KCNK9: variants seen among roughly 807,000 people sequenced by gnomAD.
The protein encoded by KCNK9 is potassium channel subfamily K member 9.
In KCNK9, 1 loss-of-function variant was observed where a neutral mutation model predicts 10.8. That is an observed-to-expected ratio of 0.09 (90% CI 0.03 to 0.44). The LOEUF is 0.44. Ranked by LOEUF, KCNK9 falls within the 20% of genes least tolerant of loss-of-function variation. The probability of loss-of-function intolerance (pLI) is 0.97; values close to 1 mark genes in which losing one functional copy is unlikely to be tolerated. For synonymous variants in KCNK9, 231 were observed against 222.7 expected (o/e 1.04, Z -0.33); for missense variants, 303 against 515.0 (o/e 0.59, Z 3.98).
At chr8:139,686,814 C>T (rs1398989284) in intron 1 of KCNK9, among the ~76,000 whole-genome samples, 1 of 152,058 alleles carries the variant, frequency 6.6e-6, no homozygotes, top group Non-Finnish European at 1.5e-5. Flanking sequence ...CTTCAAATAA[C>T]CCTTGGATTA....
chr8:139,602,752 G>A (rs150643616), intron 2 of KCNK9, among the ~76,000 whole-genome samples: 7 of 152,274 alleles, frequency 4.6e-5, no homozygotes, highest in East Asian at 3.9e-4. Context: ...ACTGCTCATC[G>A]TGCAGCATAA....
At chr8:139,644,908 C>T (rs1176660879) in intron 1 of KCNK9, among the ~76,000 whole-genome samples, 1 of 152,118 alleles carries the variant, frequency 6.6e-6, no homozygotes, top group South Asian at 2.1e-4. Flanking sequence ...CTGCTGCCAT[C>T]TCTGATCTAT....
At chr8:139,609,709 G>A (rs1358256069), downstream of KCNK9, among the ~76,000 whole-genome samples, 1 of 152,202 alleles carries the variant, frequency 6.6e-6, no homozygotes, top group Non-Finnish European at 1.5e-5. Flanking sequence ...ATTGCACAGG[G>A]CTGTTGGTTA....
chr8:139,639,748 A>ACTT (rs895095425), intron 1 of KCNK9, among the ~76,000 whole-genome samples: 10 of 152,174 alleles, frequency 6.6e-5, no homozygotes, highest in African/African-American at 2.4e-4. Context: ...AAAGTGTCAG[A>ACTT]CTTCATGGCA....
chr8:139,632,848 G>A (rs1815215939), intron 1 of KCNK9, among the ~76,000 whole-genome samples: 1 of 152,266 alleles, frequency 6.6e-6, no homozygotes, highest in South Asian at 2.1e-4. Flanking sequence ...TGGCATTTGG[G>A]GGTACAGCTG....
At chr8:139,626,464 G>A (rs1173140950) in intron 1 of KCNK9, among the ~76,000 whole-genome samples, 3 of 152,220 alleles carry the variant, frequency 2.0e-5, no homozygotes, top group African/African-American at 7.2e-5. Flanking sequence ...GCAGTGGGGT[G>A]GAGTGGAGGA....
At chr8:139,683,040 AG>A (rs1816723284) in intron 1 of KCNK9, among the ~76,000 whole-genome samples, 10 of 152,190 alleles carry the variant, frequency 6.6e-5, no homozygotes, top group Admixed American at 6.5e-4. Context: ...GCCAGGGAAG[AG>A]GGCATCTACA....
In KCNK9 at chr8:139,618,886, GAGA is replaced by G. The variant is rs1389413991; in HGVS notation, c.494_496del (p.Phe165del). On this transcript the variant is annotated inframe_deletion, in exon 2 of 2. Coordinates refer to ENST00000520439, the MANE Select transcript of KCNK9 (RefSeq NM_001282534.2). This position sits in a 1 kb window ranked among gnomAD's most constrained non-coding sequence, Gnocchi z 7.9. ...CCCGATGCACAGCGTCCCCATGCAG[GAGA>G]AGAAGCCCACAGTCACCATGTTCTC... 1.2e-6 allele frequency: 2 copies of G among 1,614,204 alleles called. No individual in the cohort carries two copies. Among genetic ancestry groups the G allele is most frequent in the Non-Finnish European group, 1.7e-6 (2 of 1,180,038 alleles).
rs1425027997 is a variant in KCNK9, at chr8:139,618,039, A to C, written c.*219T>G. 1.7e-6 allele frequency: 1 copy of C among 581,210 alleles called. No individual in the cohort carries two copies. Among genetic ancestry groups the C allele is most frequent in the African/African-American group, 1.9e-5 (1 of 53,464 alleles). 36.0% of individuals were successfully genotyped at this position (581,210 alleles called of 1,614,324 possible). ...GATCCATGCTTCATGCTCAGATGTG[A>C]GTTTCAGAGGAGGATGGGCCTGTAT... On this transcript the variant is annotated 3_prime_UTR_variant, in exon 2 of 2. Transcript: ENST00000520439. This position sits in a 1 kb window ranked among gnomAD's most constrained non-coding sequence, Gnocchi z 7.9.
At chr8:139,634,556 A>G (rs894933591) in intron 1 of KCNK9, among the ~76,000 whole-genome samples, 2 of 152,088 alleles carry the variant, frequency 1.3e-5, no homozygotes, top group African/African-American at 2.4e-5. Context: ...AGCTGCCTGG[A>G]TTCTCCATGA....
downstream of KCNK9, chr8:139,612,543 G>C (rs866300025): frequency 1.4e-3 from 25 of 17,448 alleles, no homozygotes; most frequent in Middle Eastern, 0.028. Flanking sequence ...AGTTGTGTAG[G>C]GGAATGAGTA....
intron 2 of KCNK9, among the ~76,000 whole-genome samples, chr8:139,603,477 A>G (rs1028135141): frequency 6.6e-6 from 1 of 152,206 alleles, no homozygotes; most frequent in Non-Finnish European, 1.5e-5. Flanking sequence ...CTTACAAAAT[A>G]ACTGAGTCAG....
chr8:139,640,291 C>T (rs1473420171), intron 1 of KCNK9, among the ~76,000 whole-genome samples: 1 of 152,204 alleles, frequency 6.6e-6, no homozygotes, highest in African/African-American at 2.4e-5. Flanking sequence ...TCCTGGTCTG[C>T]CACCAGACTT....
chr8:139,613,972 C>A (rs1814505933), downstream of KCNK9, among the ~76,000 whole-genome samples: 1 of 152,208 alleles, frequency 6.6e-6, no homozygotes, highest in Non-Finnish European at 1.5e-5. Context: ...CAAAGGGTAT[C>A]TTGGGGCCTG....
In KCNK9 at chr8:139,618,750, C is replaced by T. The variant is rs1431455473; in HGVS notation, c.633G>A (p.Lys211=). 6.2e-7 allele frequency: 1 copy of T among 1,614,170 alleles called. No individual in the cohort carries two copies. Among genetic ancestry groups the T allele is most frequent in the East Asian group, 2.2e-5 (1 of 44,870 alleles). ...GFGDYVALQT[K]GALQKKPLYV... is the part of the protein sequence containing the mutation. ...AGAGCGGCTTCTTCTGCAGGGCACC[C>T]TTGGTCTGCAGGGCCACGTAGTCCC... The change falls in exon 2 of 2, where the codon AAG becomes AAA. Residue 211 remains lysine, a synonymous_variant. Coordinates refer to ENST00000520439, the MANE Select transcript of KCNK9 (RefSeq NM_001282534.2). This position sits in a 1 kb window ranked among gnomAD's most constrained non-coding sequence, Gnocchi z 7.9.
At chr8:139,630,901 T>C (rs1040265800) in intron 1 of KCNK9, among the ~76,000 whole-genome samples, 6 of 152,218 alleles carry the variant, frequency 3.9e-5, no homozygotes, top group Non-Finnish European at 5.9e-5. Flanking sequence ...ATCCCCCAAG[T>C]AAGTCTGCTT....
At chr8:139,643,663 A>G (rs1815579687) in intron 1 of KCNK9, among the ~76,000 whole-genome samples, 1 of 152,074 alleles carries the variant, frequency 6.6e-6, no homozygotes, top group Non-Finnish European at 1.5e-5. Flanking sequence ...TTCCCATCCT[A>G]TGGCTCAAGT....
At chr8:139,650,480 C>A (rs574605883) in intron 1 of KCNK9, among the ~76,000 whole-genome samples, 122 of 152,230 alleles carry the variant, frequency 8.0e-4, no homozygotes, top group Non-Finnish European at 1.5e-3. Context: ...AGAACTGGGT[C>A]CCCTGTGTGC....
intron 1 of KCNK9, among the ~76,000 whole-genome samples, chr8:139,653,386 T>A (rs1338772112): frequency 6.6e-6 from 1 of 152,100 alleles, no homozygotes; most frequent in Non-Finnish European, 1.5e-5. Context: ...TGAGGTCCCC[T>A]ACCTGGAGTG....
Sources: gnomAD v4.1 joint callset for allele counts (sites outside exome capture counted in the v4.1 genomes callset) on GRCh38, gnomAD v4.1.1 for gene constraint, Gnocchi (gnomAD v3.1) non-coding constraint, MANE v1.5 for transcripts, NCBI Gene and HGNC (gene_info 2026-07-23, HGNC 2026-07-21) for gene names.